PLCG2: variants seen among roughly 807,000 people sequenced by gnomAD.
PLCG2 encodes the protein phospholipase C gamma 2.
Under a neutral mutation model 175.6 loss-of-function variants are expected in PLCG2, and 69 were observed. The ratio of observed to expected loss-of-function variants is 0.39; its 90% CI spans 0.32 to 0.48. The LOEUF is 0.48. Ranked by LOEUF, PLCG2 falls within the 20% of genes least tolerant of loss-of-function variation. The pLI is 0.91. For missense variants in PLCG2, 1,798 were observed against 1,650.9 expected, an observed-to-expected ratio of 1.09 and a Z score of -1.54; for synonymous variants, 827 against 624.0, an observed-to-expected ratio of 1.33 and a Z score of -4.85.
intron 2 of PLCG2, among the ~76,000 whole-genome samples, chr16:81,760,601 G>T (rs987408577): frequency 6.6e-6 from 1 of 151,940 alleles, no homozygotes; most frequent in Non-Finnish European, 1.5e-5. Flanking sequence ...AAAAAGAATG[G>T]CAGAGCCCAC....
intron 2 of PLCG2, among the ~76,000 whole-genome samples, chr16:81,830,257 C>G (rs1231389366): frequency 6.6e-6 from 1 of 152,102 alleles, no homozygotes; most frequent in Non-Finnish European, 1.5e-5. Flanking sequence ...GAGGTTGAGG[C>G]TGTAGTGAGC....
At chr16:81,793,383 C>G (rs1043468437) in intron 2 of PLCG2, among the ~76,000 whole-genome samples, 1 of 152,162 alleles carries the variant, frequency 6.6e-6, no homozygotes, top group Non-Finnish European at 1.5e-5. Context: ...TAGGTGTCCT[C>G]TTGCATCTTG....
chr16:81,739,949 C>A (rs956277709), intron 1 of PLCG2, among the ~76,000 whole-genome samples: 1 of 151,782 alleles, frequency 6.6e-6, no homozygotes, highest in Non-Finnish European at 1.5e-5. Flanking sequence ...ACCAGCCTGG[C>A]CAAGATAGTG....
intron 2 of PLCG2, among the ~76,000 whole-genome samples, chr16:81,770,708 A>G (rs1910259319): frequency 1.3e-5 from 2 of 152,144 alleles, no homozygotes; most frequent in Admixed American, 1.3e-4. Flanking sequence ...CTACAGAGTG[A>G]GACCCTGTAT....
intron 2 of PLCG2, among the ~76,000 whole-genome samples, chr16:81,846,908 G>T (rs1460618902): frequency 6.6e-6 from 1 of 151,856 alleles, no homozygotes; most frequent in Admixed American, 6.6e-5. Flanking sequence ...TTCCCCCCAC[G>T]CATCAAGCAA....
intron 2 of PLCG2, among the ~76,000 whole-genome samples, chr16:81,845,576 T>G (rs544221577): frequency 3.3e-5 from 5 of 152,350 alleles, no homozygotes; most frequent in African/African-American, 1.2e-4. Flanking sequence ...CCTCATGACT[T>G]GGATAGCTCC....
chr16:81,743,858 T>C (rs942453048), intron 1 of PLCG2, among the ~76,000 whole-genome samples: 2 of 138,846 alleles, frequency 1.4e-5, no homozygotes, highest in African/African-American at 4.9e-5. Flanking sequence ...TCCTTTTTTT[T>C]CTTTTTCTTT....
At chr16:81,946,884 A>AAGACCCTTTGCTTAGTGAAGC (rs66642225) in intron 31 of PLCG2, among the ~76,000 whole-genome samples, 41 of 150,962 alleles carry the variant, frequency 2.7e-4, no homozygotes, top group Non-Finnish European at 4.7e-4. Context: ...AGTGAGCATG[A>AAGACCCTTTGCTTAGTGAAGC]AGACCCTTTG....
intron 2 of PLCG2, among the ~76,000 whole-genome samples, chr16:81,845,160 G>A (rs1472329246): frequency 6.6e-6 from 1 of 152,028 alleles, no homozygotes; most frequent in African/African-American, 2.4e-5. Flanking sequence ...GGTTGGTCTT[G>A]AACTCTCTGG....
At chr16:81,747,254 A>G (rs1472225249) in intron 1 of PLCG2, among the ~76,000 whole-genome samples, 6 of 152,134 alleles carry the variant, frequency 3.9e-5, no homozygotes, top group Non-Finnish European at 2.9e-5. Flanking sequence ...TATTAATGGG[A>G]CTGGGCGCGG....
rs558642976 is a variant in PLCG2 at position 81,793,908 on chromosome 16, T to G, written c.193+7726T>G. On this transcript the variant is annotated intron_variant, in intron 2 of 32. Coordinates refer to ENST00000564138, the MANE Select transcript of PLCG2 (RefSeq NM_002661.5). ...GAACTTGTTCTTCCCAGTTTCAGTC[T>G]CAAGTCTTCTTCCTGCTCTGTGTTG... Among the ~76,000 whole-genome samples the G allele has an allele frequency of 9.2e-5, 14 of 152,356 alleles. No homozygotes were observed. In the South Asian group the frequency reaches 2.9e-3, roughly 32 times the overall value.
intron 19 of PLCG2, among the ~76,000 whole-genome samples, chr16:81,918,338 T>C (rs1019863764): frequency 5.3e-5 from 8 of 152,224 alleles, no homozygotes; most frequent in African/African-American, 1.4e-4. Flanking sequence ...TCAGGTCTTA[T>C]GTTTAAGTCT....
chr16:81,898,751 A>C (rs1271009761), intron 13 of PLCG2: 1 of 152,178 alleles, frequency 6.6e-6, no homozygotes, highest in Non-Finnish European at 1.5e-5. Context: ...CAGTATGTCT[A>C]ATGATCATTA....
intron 2 of PLCG2, among the ~76,000 whole-genome samples, chr16:81,846,478 G>A (rs373077728): frequency 2.0e-5 from 3 of 152,208 alleles, no homozygotes; most frequent in African/African-American, 7.2e-5. Context: ...CAAAACATTA[G>A]CACTCTGCCT....
In PLCG2 at chr16:81,945,678, G is replaced by A. The variant is rs111459311; in HGVS notation, c.3482-497G>A. Among the ~76,000 whole-genome samples, 19 of 152,276 alleles carry A rather than the reference G, an allele frequency of 1.2e-4. 1 individual carries two copies. Among genetic ancestry groups the A allele is most frequent in the African/African-American group, 4.6e-4 (19 of 41,558 alleles). On this transcript the variant is annotated intron_variant, in intron 30 of 32. Transcript: ENST00000564138. ...CAGGTCCTAATTGTAAAGAGGGAATGGCTTTAGGAGGAGGAAGATCAATAC... is the reference window on the plus strand; with the variant it reads ...CAGGTCCTAATTGTAAAGAGGGAATAGCTTTAGGAGGAGGAAGATCAATAC...
intron 2 of PLCG2, among the ~76,000 whole-genome samples, chr16:81,768,862 C>T (rs1179769390): frequency 1.3e-5 from 2 of 152,106 alleles, no homozygotes; most frequent in African/African-American, 4.8e-5. Context: ...CCACCGTGCC[C>T]AGCCTATTGT....
rs577121330 is a variant in PLCG2, at chr16:81,924,902, C to T, written c.2417+1308C>T. Among the ~76,000 whole-genome samples, 4 of 152,340 alleles carry T rather than the reference C, an allele frequency of 2.6e-5. No individual in the cohort carries two copies. The East Asian group carries it at 5.8e-4, about 22-fold the overall frequency. On this transcript the variant is annotated intron_variant, in intron 22 of 32. Coordinates refer to ENST00000564138, the MANE Select transcript of PLCG2 (RefSeq NM_002661.5). The stretch of plus-strand genomic sequence containing the variant: ...CTCCCAGTTCAGAGGCTCGGCTTTG[C>T]CGAAGTCCCTCCACTCGAAGTGGCA...
At chr16:81,944,451 A>C (rs556475743) in intron 30 of PLCG2, among the ~76,000 whole-genome samples, 41 of 152,256 alleles carry the variant, frequency 2.7e-4, no homozygotes, top group African/African-American at 9.1e-4. Flanking sequence ...GGTTATATGC[A>C]AATACTACGC....
intron 2 of PLCG2, among the ~76,000 whole-genome samples, chr16:81,795,669 G>C (rs75545570): frequency 0.023 from 3,534 of 152,182 alleles, 140 homozygotes; most frequent in African/African-American, 0.078. Flanking sequence ...GGCCATACCT[G>C]AAGTGGATGT....
Sources: gnomAD v4.1 joint callset for allele counts (sites outside exome capture counted in the v4.1 genomes callset) on GRCh38, gnomAD v4.1.1 for gene constraint, MANE v1.5 for transcripts, NCBI Gene and HGNC (gene_info 2026-07-23, HGNC 2026-07-21) for gene names.